The following TRUB1 variants were observed in gnomAD, a reference collection of about 807,000 sequenced individuals.
The protein encoded by TRUB1 is TruB pseudouridine synthase family member 1.
Under a neutral mutation model 33.9 loss-of-function variants are expected in TRUB1, and 23 were observed. The ratio of observed to expected loss-of-function variants is 0.68; its 90% CI spans 0.49 to 0.96. The LOEUF (loss-of-function observed/expected upper bound fraction) is 0.96. Among genes scored for constraint, TRUB1 ranks in the 40% least tolerant of loss-of-function variants. TRUB1 has a pLI of 0.00. For missense variants in TRUB1, 378 were observed against 422.2 expected, an observed-to-expected ratio of 0.90 and a Z score of 0.92; for synonymous variants, 163 against 165.4, an observed-to-expected ratio of 0.99 and a Z score of 0.11.
rs1415872756 is a variant in TRUB1, at chr10:114,957,454, C to T, written c.442-2272C>T. 5.9e-5 allele frequency among the ~76,000 whole-genome samples: 9 copies of T among 152,308 alleles called. No individual in the cohort carries two copies. In the South Asian group the frequency reaches 1.5e-3, roughly 25 times the overall value. On this transcript the variant is annotated intron_variant, in intron 3 of 7. Transcript: ENST00000298746. ...TCCTTCCCTAGCACTTAGGAGAATA[C>T]TTTGGACATTCATAGTCCTTAAGAA...
At position 114,977,024 on chromosome 10, in the gene TRUB1, T is replaced by G. The variant is rs1258539117; in HGVS notation, c.*1645T>G. 3 of 152,150 alleles carry G rather than the reference T, an allele frequency of 2.0e-5. No homozygotes were observed. The highest frequency in any genetic ancestry group is 6.6e-5 in the Admixed American group (1 of 15,262). 9.4% of individuals were successfully genotyped at this position (152,150 alleles called of 1,614,324 possible). On this transcript the variant is annotated 3_prime_UTR_variant, in exon 8 of 8. Transcript: ENST00000298746. ...AATTAAAGTCCAAATAGAGAAATAC[T>G]TAGGTTTTAGAACACATCAGAGGTA...
At chr10:114,949,604 A>C (rs539650927) in intron 2 of TRUB1, among the ~76,000 whole-genome samples, 1 of 152,258 alleles carries the variant, frequency 6.6e-6, no homozygotes, top group Non-Finnish European at 1.5e-5. Flanking sequence ...GGGGCTTTGT[A>C]ATGTGAAAAA....
At chr10:114,964,684 C>G (rs1328407467) in intron 4 of TRUB1, among the ~76,000 whole-genome samples, 1 of 152,100 alleles carries the variant, frequency 6.6e-6, no homozygotes, top group Non-Finnish European at 1.5e-5. Context: ...TGCAATCCAC[C>G]TTTTCTTCCT....
chr10:114,956,692 A>G (rs777080632), intron 3 of TRUB1, among the ~76,000 whole-genome samples: 13 of 152,150 alleles, frequency 8.5e-5, no homozygotes, highest in East Asian at 7.7e-4. Flanking sequence ...TTAACTTGCA[A>G]TCCCACAAAT....
At chr10:114,950,629 T>C (rs1277126476) in intron 2 of TRUB1, among the ~76,000 whole-genome samples, 3 of 152,250 alleles carry the variant, frequency 2.0e-5, no homozygotes, top group Non-Finnish European at 4.4e-5. Flanking sequence ...TCTCTTTTCT[T>C]GATTGTATAT....
Position 114,972,130 on chromosome 10 carries a change from A to C in TRUB1, c.597-5A>C, listed in dbSNP as rs1039766266. The C allele has an allele frequency of 3.1e-6, 5 of 1,612,028 alleles. No individual in the cohort carries two copies. In the African/African-American group the frequency reaches 6.7e-5, roughly 22 times the overall value. On this transcript the variant is annotated splice_region_variant and splice_polypyrimidine_tract_variant and intron_variant, in intron 5 of 7. Transcript: ENST00000298746. ...CTTCCATTTCTCCTTCTCTCATCTC[A>C]CAAGCTATTCTGCATTAAAGAAAGA...
At chr10:114,972,039 C>A in intron 5 of TRUB1, 96 bp from the exon 6 acceptor site, 1 of 1,397,668 alleles carries the variant, frequency 7.2e-7, no homozygotes, top group South Asian at 1.3e-5. Context: ...CCTTCCTTTC[C>A]ATGCTAAATC....
At chr10:114,958,992 C>A (rs1254666902) in intron 3 of TRUB1, among the ~76,000 whole-genome samples, 1 of 152,026 alleles carries the variant, frequency 6.6e-6, no homozygotes. Context: ...AAAAATTAGC[C>A]GGGCGTGGTG....
intron 2 of TRUB1, among the ~76,000 whole-genome samples, chr10:114,950,427 A>G (rs941618120): frequency 6.6e-6 from 1 of 152,204 alleles, no homozygotes; most frequent in Non-Finnish European, 1.5e-5. Flanking sequence ...TATACTTACA[A>G]AAATGTGGCT....
At position 114,973,459 on chromosome 10, in the gene TRUB1, C is replaced by T. The variant is rs149692272; in HGVS notation, c.737-870C>T. The stretch of plus-strand genomic sequence containing the variant: ...TGCCCACTTTCAATTTCAGCAGTGG[C>T]CCCCAACCATGAGCTGACTAAAGAA... On this transcript the variant is annotated intron_variant, in intron 6 of 7. Transcript: ENST00000298746. Among the ~76,000 whole-genome samples the T allele has an allele frequency of 6.5e-3, 988 of 152,276 alleles. 9 individuals carry two copies. The highest frequency in any genetic ancestry group is 0.022 in the African/African-American group (918 of 41,560).
At position 114,977,108 on chromosome 10, in the gene TRUB1, G is replaced by C. The variant is rs2084364588; in HGVS notation, c.*1729G>C. 1 of 152,108 alleles carries C rather than the reference G, an allele frequency of 6.6e-6. No homozygotes were observed. 9.4% of individuals were successfully genotyped at this position (152,108 alleles called of 1,614,324 possible). Reference sequence around the variant, plus strand: ...CAGAGTTTACTAATAGAGGAGTAGAGATTGTTGACCATTTTTAAAAAACGA... The same window carrying C: ...CAGAGTTTACTAATAGAGGAGTAGACATTGTTGACCATTTTTAAAAAACGA... On this transcript the variant is annotated 3_prime_UTR_variant, in exon 8 of 8. Transcript: ENST00000298746.
At chr10:114,963,233 AC>A (rs1453851816) in intron 4 of TRUB1, among the ~76,000 whole-genome samples, 3 of 152,200 alleles carry the variant, frequency 2.0e-5, no homozygotes, top group Non-Finnish European at 4.4e-5. Context: ...ATCAGATGTT[AC>A]CAAGGTCTTC....
chr10:114,951,182 A>G (rs1294603019), intron 3 of TRUB1, 33 bp downstream of exon 3: 2 of 1,539,290 alleles, frequency 1.3e-6, no homozygotes, highest in Non-Finnish European at 1.8e-6. Context: ...ATTTTTCTTT[A>G]ATGTTCTTAA....
chr10:114,960,916 C>G (rs764816805), intron 4 of TRUB1, among the ~76,000 whole-genome samples: 30 of 151,874 alleles, frequency 2.0e-4, no homozygotes, highest in Non-Finnish European at 4.4e-4. Flanking sequence ...ATCTCTGACT[C>G]CATTTACCAA....
chr10:114,939,828 T>G (rs1190535057), intron 1 of TRUB1, among the ~76,000 whole-genome samples: 1 of 148,068 alleles, frequency 6.8e-6, no homozygotes, highest in African/African-American at 2.4e-5. Context: ...TTTCTTTTCT[T>G]TTTTTTTTTT....
chr10:114,970,530 AG>A, intron 5 of TRUB1, 90 bp downstream of exon 5: 1 of 968,930 alleles, frequency 1.0e-6, no homozygotes, highest in Admixed American at 1.9e-5. Flanking sequence ...GTTTCCTCTT[AG>A]CATATGGCAA....
intron 1 of TRUB1, 136 bp downstream of exon 1, chr10:114,938,675 A>G: frequency 2.9e-6 from 3 of 1,037,296 alleles, no homozygotes; most frequent in Non-Finnish European, 4.0e-6. Context: ...AGCTCTGGAC[A>G]GGAATCTCGG....
chr10:114,946,523 G>A (rs2084212236), intron 2 of TRUB1, among the ~76,000 whole-genome samples: 1 of 151,886 alleles, frequency 6.6e-6, no homozygotes, highest in African/African-American at 2.4e-5. Flanking sequence ...TGTATTTTTA[G>A]TAGAGTCAGG....
chr10:114,975,280 T>G lies in TRUB1; in HGVS notation c.951T>G (p.Leu317=), dbSNP rs767831969. 5 of 1,613,552 alleles carry G rather than the reference T, an allele frequency of 3.1e-6. No individual in the cohort carries two copies. The Admixed American group carries it at 8.3e-5, about 27-fold the overall frequency. The change falls in exon 8 of 8, where the codon CTT becomes CTG. Residue 317 remains leucine, a synonymous_variant. Transcript: ENST00000298746. Reference sequence around the variant, plus strand: ...CTCTTTTCCCAGCAGAGTTGGCACTTAAAAAATCAAAACCTGAGTCTAATG... The same window carrying G: ...CTCTTTTCCCAGCAGAGTTGGCACTGAAAAAATCAAAACCTGAGTCTAATG... ...CSSLFPAELA[L]KKSKPESNEQ...
Sources: allele counts gnomAD v4.1 joint callset (sites outside exome capture counted in the v4.1 genomes callset), GRCh38; gene constraint gnomAD v4.1.1; transcripts MANE v1.5; gene names NCBI Gene and HGNC (gene_info 2026-07-23, HGNC 2026-07-21).